HSD17B13: variants seen among roughly 807,000 people sequenced by gnomAD.
HSD17B13 encodes the protein 17-beta-hydroxysteroid dehydrogenase 13.
A neutral mutation model predicts 31.1 loss-of-function variants in HSD17B13; 26 were observed. That is an observed-to-expected ratio of 0.84 (90% CI 0.61 to 1.16). HSD17B13 has a LOEUF of 1.16. Ranked by LOEUF, HSD17B13 falls within the 50% of genes most tolerant of loss-of-function variation. The probability of loss-of-function intolerance (pLI) is 0.00; values close to 1 mark genes in which losing one functional copy is unlikely to be tolerated. For synonymous variants in HSD17B13, 141 were observed against 133.7 expected (o/e 1.05, Z -0.38); for missense variants, 374 against 366.5 (o/e 1.02, Z -0.17).
At chr4:87,305,404 T>C (rs1005185649) in intron 6 of HSD17B13, 96 bp from the exon 7 acceptor site, 2 of 674,264 alleles carry the variant, frequency 3.0e-6, no homozygotes, top group Non-Finnish European at 2.3e-6. Context: ...CTGAGAGTTA[T>C]CTGGTTTGCG....
intron 1 of HSD17B13, among the ~76,000 whole-genome samples, chr4:87,322,310 C>T (rs1222916574): frequency 6.6e-6 from 1 of 152,136 alleles, no homozygotes; most frequent in Non-Finnish European, 1.5e-5. Flanking sequence ...TCTTGCCCAT[C>T]CCCTAAGTTA....
chr4:87,313,801 T>C, intron 5 of HSD17B13, 22 bp downstream of exon 5: 1 of 1,605,848 alleles, frequency 6.2e-7, no homozygotes. Context: ...ACATACCCAT[T>C]CTAACTTGAT....
intron 1 of HSD17B13, among the ~76,000 whole-genome samples, chr4:87,322,046 T>G (rs1366130976): frequency 1.3e-5 from 2 of 152,254 alleles, no homozygotes; most frequent in African/African-American, 4.8e-5. Flanking sequence ...AGGAAAAGCC[T>G]GACTCACTGC....
rs554237874 is a variant in HSD17B13 at position 87,320,588 on chromosome 4, T to C, written c.210+2044A>G. ...ATTTTTAGTAGAGACGGGGTTTCAC[T>C]GTGTTATCCAGGATGGTCTCGATCT... is the stretch of plus-strand genomic sequence containing the variant. On this transcript the variant is annotated intron_variant, in intron 1 of 6. Coordinates refer to ENST00000328546, the MANE Select transcript of HSD17B13 (RefSeq NM_178135.5). Among the ~76,000 whole-genome samples the C allele has an allele frequency of 1.8e-4, 27 of 152,036 alleles. No homozygotes were observed. The East Asian group carries it at 5.1e-3, about 28-fold the overall frequency.
At chr4:87,309,384 CAAAAAAAAA>C (rs369280214) in intron 6 of HSD17B13, among the ~76,000 whole-genome samples, 1 of 50,098 alleles carries the variant, frequency 2.0e-5, no homozygotes, top group African/African-American at 6.3e-5. Context: ...AACTCTGTCT[CAAAAAAAAA>C]AAAAAAAAAA....
At chr4:87,318,797 C>CAAA (rs1158406945) in intron 1 of HSD17B13, among the ~76,000 whole-genome samples, 130 of 83,490 alleles carry the variant, frequency 1.6e-3, no homozygotes, top group African/African-American at 4.5e-3. Flanking sequence ...GACTCTGTCT[C>CAAA]AAAAAAAAAA....
At chr4:87,320,460 C>T (rs1333336099) in intron 1 of HSD17B13, among the ~76,000 whole-genome samples, 3 of 144,488 alleles carry the variant, frequency 2.1e-5, no homozygotes, top group Non-Finnish European at 3.0e-5. Flanking sequence ...CATCTCGGCT[C>T]ACTGCAAGCT....
intron 6 of HSD17B13, among the ~76,000 whole-genome samples, chr4:87,309,385 A>G (rs983177296): frequency 2.3e-5 from 1 of 43,368 alleles, no homozygotes; most frequent in African/African-American, 1.1e-4. Flanking sequence ...ACTCTGTCTC[A>G]AAAAAAAAAA....
chr4:87,315,309 G>A (rs1051861467), intron 4 of HSD17B13, among the ~76,000 whole-genome samples, 184 bp downstream of exon 4: 17 of 152,152 alleles, frequency 1.1e-4, no homozygotes, highest in South Asian at 2.1e-4. Context: ...CCTGTAAAGC[G>A]TACTTTCATT....
intron 4 of HSD17B13, among the ~76,000 whole-genome samples, chr4:87,314,278 T>C (rs1415643134): frequency 2.6e-5 from 4 of 152,088 alleles, no homozygotes; most frequent in Non-Finnish European, 4.4e-5. Context: ...CTAATCAGTT[T>C]TTATTGCTGC....
chr4:87,319,603 T>C (rs547296743), intron 1 of HSD17B13, among the ~76,000 whole-genome samples: 22 of 152,342 alleles, frequency 1.4e-4, no homozygotes, highest in African/African-American at 5.3e-4. Context: ...TTCTTGATGA[T>C]TCTGACTCAT....
chr4:87,310,035 C>T (rs1324271724), intron 6 of HSD17B13, among the ~76,000 whole-genome samples: 11 of 152,048 alleles, frequency 7.2e-5, no homozygotes, highest in Admixed American at 7.2e-4. Flanking sequence ...TGTGGCAGCA[C>T]ACACCTATAA....
In HSD17B13 at chr4:87,305,080, C is replaced by T. The variant is rs1201295471; in HGVS notation, c.*138G>A. 1.1e-5 allele frequency: 5 copies of T among 453,270 alleles called. No individual in the cohort carries two copies. Among genetic ancestry groups the T allele is most frequent in the African/African-American group, 2.0e-5 (1 of 49,292 alleles). The allele number at this position is 453,270 out of a possible 1,614,324, so 28.1% of individuals were successfully genotyped here. On this transcript the variant is annotated 3_prime_UTR_variant, in exon 7 of 7. Coordinates refer to ENST00000328546, the MANE Select transcript of HSD17B13 (RefSeq NM_178135.5). ...AGGAAGACAGGTAATTAATCTTGTT[C>T]GTTTGACTGCTGCTAGTGCCAAACC...
rs1284858512 is a variant in HSD17B13, at chr4:87,304,957, A to G, written c.*261T>C. The G allele has an allele frequency of 2.0e-5, 6 of 305,544 alleles. No homozygotes were observed. Among genetic ancestry groups the G allele is most frequent in the Non-Finnish European group, 3.5e-5 (6 of 169,260 alleles). 18.9% of individuals were successfully genotyped at this position (305,544 alleles called of 1,614,324 possible). On this transcript the variant is annotated 3_prime_UTR_variant, in exon 7 of 7. Transcript: ENST00000328546. The stretch of plus-strand genomic sequence containing the variant: ...AATGGAAAAATAAAATATCTTAAAG[A>G]AAACCTTTTAAGTATGTTTATGTAA...
chr4:87,307,203 C>G (rs1262830723), intron 6 of HSD17B13, among the ~76,000 whole-genome samples: 1 of 152,098 alleles, frequency 6.6e-6, no homozygotes, highest in Non-Finnish European at 1.5e-5. Flanking sequence ...AATTGTGTCT[C>G]TCTATAAAAG....
At chr4:87,318,936 T>A (rs1734720704) in intron 1 of HSD17B13, among the ~76,000 whole-genome samples, 1 of 151,978 alleles carries the variant, frequency 6.6e-6, no homozygotes, top group Non-Finnish European at 1.5e-5. Context: ...ATCCCAGCAC[T>A]TTAGGAGGCC....
chr4:87,317,131 A>G lies in HSD17B13; in HGVS notation c.411T>C (p.Ile137=), dbSNP rs1162287298. Residue 137 remains isoleucine (I), a synonymous_variant, in exon 3 of 7, where the codon ATT becomes ATC. Transcript: ENST00000328546. ...ADLLSTKDEE[I]TKTFEVNILG... ...GGATGTTGACCTCAAATGTCTTGGT[A>G]ATCTCTTCATCCTTGGTGCTGAGAA... The G allele has an allele frequency of 6.2e-7, 1 of 1,614,080 alleles. No individual in the cohort carries two copies. Among genetic ancestry groups the G allele is most frequent in the Non-Finnish European group, 8.5e-7 (1 of 1,179,934 alleles).
intron 2 of HSD17B13, among the ~76,000 whole-genome samples, chr4:87,317,487 G>T (rs550976236): frequency 1.4e-5 from 2 of 141,254 alleles, no homozygotes; most frequent in Admixed American, 1.4e-4. Context: ...TAACATTTAT[G>T]TTGATAAATT....
chr4:87,310,888 C>T (rs1353742215), intron 5 of HSD17B13, among the ~76,000 whole-genome samples: 1 of 152,094 alleles, frequency 6.6e-6, no homozygotes, highest in African/African-American at 2.4e-5. Flanking sequence ...GGGCTGCATT[C>T]CCAGGAAGTT....
Sources: gnomAD v4.1 joint callset for allele counts (sites outside exome capture counted in the v4.1 genomes callset) on GRCh38, gnomAD v4.1.1 for gene constraint, MANE v1.5 for transcripts, NCBI Gene and HGNC (gene_info 2026-07-23, HGNC 2026-07-21) for gene names.